Variants in RASA2 observed in about 807,000 individuals in gnomAD.
RASA2 encodes ras GTPase-activating protein 2.
Under a neutral mutation model 118.2 loss-of-function variants are expected in RASA2, and 155 were observed. That is an observed-to-expected ratio of 1.31 (90% CI 1.15 to 1.50). The LOEUF is 1.50. RASA2 is among the 40% of genes most tolerant of loss of function. The pLI is 0.00. For synonymous variants in RASA2, 353 were observed against 349.1 expected (o/e 1.01, Z -0.12); for missense variants, 1,016 against 1,009.6 (o/e 1.01, Z -0.09).
rs1553779521 is a variant in RASA2, at chr3:141,494,738, C to CT, written c.133+7531dup. Among the ~76,000 whole-genome samples the CT allele has an allele frequency of 1.1e-3, 161 of 151,394 alleles. No homozygotes were observed. In the South Asian group the frequency reaches 0.014, roughly 14 times the overall value. ...AGGATCTCTTCATATTTTTAAGAGCCTTTTTTTTTGATGTGCTATGTGAAC... is the reference window on the plus strand; with the variant it reads ...AGGATCTCTTCATATTTTTAAGAGCCTTTTTTTTTTGATGTGCTATGTGAAC... On this transcript the variant is annotated intron_variant, in intron 1 of 23. Coordinates refer to ENST00000286364, the MANE Select transcript of RASA2 (RefSeq NM_006506.5).
At chr3:141,577,876 C>T (rs1295222477) in intron 15 of RASA2, among the ~76,000 whole-genome samples, 1 of 152,058 alleles carries the variant, frequency 6.6e-6, no homozygotes, top group Non-Finnish European at 1.5e-5. Flanking sequence ...TCTAAATCTC[C>T]ACTGCATAGA....
intron 1 of RASA2, among the ~76,000 whole-genome samples, chr3:141,494,693 A>G (rs567318584): frequency 3.9e-5 from 6 of 152,216 alleles, no homozygotes; most frequent in African/African-American, 1.4e-4. Context: ...AAATTTTTCT[A>G]AGGCTTGAAA....
intron 2 of RASA2, among the ~76,000 whole-genome samples, chr3:141,514,845 A>G (rs755683960): frequency 5.3e-5 from 8 of 152,370 alleles, no homozygotes; most frequent in South Asian, 4.1e-4. Context: ...TTGAACTACT[A>G]TGTACACAAC....
Position 141,487,163 on chromosome 3 carries a change from G to C in RASA2, c.80G>C (p.Gly27Ala), listed in dbSNP as rs892940460. Reference protein sequence around the residue: ...AASATAEPEAGDQDSREVRVL... With the variant: ...AASATAEPEAADQDSREVRVL... ...AGTGCGACTGCAGAGCCCGAGGCCG[G>C]GGACCAGGACAGTCGCGAGGTTCGA... The change falls in exon 1 of 24, where the codon GGG (glycine) becomes GCG (alanine). Residue 27 changes from glycine (G) to alanine (A), a missense_variant. Around this residue, in one of 2 missense-constraint regions of RASA2, gnomAD observed 896 missense variants for 836.4 expected, o/e 1.07. Transcript: ENST00000286364. 5 of 1,472,752 alleles carry C rather than the reference G, an allele frequency of 3.4e-6. No homozygotes were observed. Among genetic ancestry groups the C allele is most frequent in the Non-Finnish European group, 4.5e-6 (5 of 1,104,320 alleles). 91.2% of individuals were successfully genotyped at this position (1,472,752 alleles called of 1,614,324 possible).
intron 14 of RASA2, among the ~76,000 whole-genome samples, chr3:141,576,173 T>C (rs1423335469): frequency 6.6e-6 from 1 of 152,218 alleles, no homozygotes; most frequent in Non-Finnish European, 1.5e-5. Context: ...CAGTAGACTA[T>C]AGTAGTGACA....
Position 141,512,295 on chromosome 3 carries a change from T to C in RASA2, c.251+15T>C. The C allele has an allele frequency of 6.6e-7, 1 of 1,512,306 alleles. No individual in the cohort carries two copies. The highest frequency in any genetic ancestry group is 2.3e-5 in the East Asian group (1 of 43,842). 93.7% of individuals were successfully genotyped at this position (1,512,306 alleles called of 1,614,324 possible). On this transcript the variant is annotated intron_variant, in intron 2 of 23. Coordinates refer to ENST00000286364, the MANE Select transcript of RASA2 (RefSeq NM_006506.5). Reference sequence around the variant, plus strand: ...AAATCTTTAAGGTTGGTAGAAAAAATTGGTAAATTATAATTTTTACTATAT... The same window carrying C: ...AAATCTTTAAGGTTGGTAGAAAAAACTGGTAAATTATAATTTTTACTATAT...
intron 1 of RASA2, among the ~76,000 whole-genome samples, chr3:141,510,421 A>T (rs538622765): frequency 1.3e-5 from 2 of 152,336 alleles, no homozygotes; most frequent in Non-Finnish European, 2.9e-5. Flanking sequence ...CCTTCAACAA[A>T]TGTTTCTCAG....
chr3:141,536,761 C>CTTT lies in RASA2; in HGVS notation c.451-3756_451-3754dup, dbSNP rs778644144. Among the ~76,000 whole-genome samples the CTTT allele has an allele frequency of 1.3e-4, 17 of 127,460 alleles. No homozygotes were observed. In the East Asian group the frequency reaches 3.2e-3, roughly 24 times the overall value. 83.6% of individuals were successfully genotyped at this position (127,460 alleles called of 152,430 possible). The stretch of plus-strand genomic sequence containing the variant: ...ATCAAACATAGTACCTTGTTAGATT[C>CTTT]TTTTTTTTTTTTTTTTTTGAGATGG... On this transcript the variant is annotated intron_variant, in intron 4 of 23. Coordinates refer to ENST00000286364, the MANE Select transcript of RASA2 (RefSeq NM_006506.5).
intron 16 of RASA2, 69 bp downstream of exon 16, chr3:141,580,520 C>T: frequency 1.7e-6 from 2 of 1,167,086 alleles, no homozygotes; most frequent in South Asian, 2.8e-5. Flanking sequence ...ATCCCTTATC[C>T]TTGACTTACC....
intron 1 of RASA2, among the ~76,000 whole-genome samples, chr3:141,491,175 T>C (rs1457298851): frequency 1.3e-5 from 2 of 152,210 alleles, no homozygotes; most frequent in African/African-American, 4.8e-5. Flanking sequence ...GAATGATGCT[T>C]TTCCACTATC....
chr3:141,513,040 G>T (rs146698241), intron 2 of RASA2, among the ~76,000 whole-genome samples: 1,933 of 149,070 alleles, frequency 0.013, 56 homozygotes, highest in African/African-American at 0.045. Context: ...TCTAGCCTGG[G>T]CAACAAGAGT....
At chr3:141,516,637 C>T (rs1253485074) in intron 3 of RASA2, among the ~76,000 whole-genome samples, 1 of 152,100 alleles carries the variant, frequency 6.6e-6, no homozygotes. Flanking sequence ...TTTGCAGCTC[C>T]CCTAGTCACT....
At chr3:141,545,358 G>A (rs763328397) in intron 5 of RASA2, among the ~76,000 whole-genome samples, 18 of 152,182 alleles carry the variant, frequency 1.2e-4, no homozygotes, top group Admixed American at 9.8e-4. Context: ...TCTGCTTCTG[G>A]GGAGGCCTCA....
Position 141,581,092 on chromosome 3 carries a change from T to C in RASA2, c.1675-8T>C. 6.6e-7 allele frequency: 1 copy of C among 1,522,104 alleles called. No homozygotes were observed. Among genetic ancestry groups the C allele is most frequent in the Admixed American group, 2.5e-5 (1 of 40,564 alleles). 94.3% of individuals were successfully genotyped at this position (1,522,104 alleles called of 1,614,324 possible). A position where few individuals can be genotyped will look rare whatever the true frequency, so the allele number is the denominator to read the frequency against. On this transcript the variant is annotated splice_region_variant and splice_polypyrimidine_tract_variant and intron_variant, in intron 16 of 23. Coordinates refer to ENST00000286364, the MANE Select transcript of RASA2 (RefSeq NM_006506.5). ...ACACATATAAACCCTGTGTTTGTTT[T>C]TTCTTAGTCAAGTTTCAAAGAGACA...
chr3:141,532,748 G>A (rs1177732437), intron 4 of RASA2, among the ~76,000 whole-genome samples: 1 of 151,968 alleles, frequency 6.6e-6, no homozygotes, highest in African/African-American at 2.4e-5. Flanking sequence ...ACTATATACT[G>A]TATCTTTAAA....
At chr3:141,609,215 A>C (rs564806165) in intron 21 of RASA2, among the ~76,000 whole-genome samples, 3 of 152,246 alleles carry the variant, frequency 2.0e-5, no homozygotes, top group Admixed American at 6.5e-5. Context: ...TTACTTTAAA[A>C]TTTCCCTCCT....
At position 141,487,127 on chromosome 3, in the gene RASA2, C is replaced by T. The variant is rs777819115; in HGVS notation, c.44C>T (p.Ala15Val). The change falls in exon 1 of 24, where the codon GCG becomes GTG. Residue 15 changes from alanine (A) to valine (V), a missense_variant. Ala to Val is a moderately conservative substitution (Grantham distance 64). This residue lies in a region of RASA2 where 896 missense variants were observed against 836.4 expected (regional missense o/e 1.07). Coordinates refer to ENST00000286364, the MANE Select transcript of RASA2 (RefSeq NM_006506.5). ...GCTGCTGCGGCGGCTTCTTCCGAGG[C>T]GCCAGCGGCGAGTGCGACTGCAGAG... Reference protein sequence around the residue: ...APAAAAASSEAPAASATAEPE... With the variant: ...APAAAAASSEVPAASATAEPE... 9 of 1,438,154 alleles carry T rather than the reference C, an allele frequency of 6.3e-6. No homozygotes were observed. Among genetic ancestry groups the T allele is most frequent in the Non-Finnish European group, 5.5e-6 (6 of 1,085,442 alleles). 89.1% of individuals were successfully genotyped at this position (1,438,154 alleles called of 1,614,324 possible).
intron 12 of RASA2, 111 bp downstream of exon 12, chr3:141,572,834 T>C (rs2082946200): frequency 4.6e-6 from 4 of 878,444 alleles, no homozygotes; most frequent in South Asian, 3.6e-5. Flanking sequence ...ACTGAAAAAA[T>C]AGACTGAACA....
intron 2 of RASA2, among the ~76,000 whole-genome samples, chr3:141,512,636 A>G (rs1351506323): frequency 6.6e-6 from 1 of 152,230 alleles, no homozygotes; most frequent in East Asian, 1.9e-4. Flanking sequence ...CATCTTTGAA[A>G]GTGTAATTGC....
Sources: gnomAD v4.1 joint callset for allele counts (sites outside exome capture counted in the v4.1 genomes callset) on GRCh38, gnomAD v4.1.1 for gene constraint, gnomAD v4.1.1 regional missense constraint, MANE v1.5 for transcripts, NCBI Gene and HGNC (gene_info 2026-07-23, HGNC 2026-07-21) for gene names.